Variants in ZNF75A observed in about 807,000 individuals in gnomAD.
ZNF75A encodes the protein zinc finger protein 75A.
ZNF75A carries 36 observed loss-of-function variants against 46.3 expected under a neutral mutation model. That is an observed-to-expected ratio of 0.78 (90% CI 0.60 to 1.03). The LOEUF (loss-of-function observed/expected upper bound fraction) is 1.03. Ranked by LOEUF, ZNF75A falls within the 50% of genes least tolerant of loss-of-function variation. The pLI is 0.00. For synonymous variants in ZNF75A, 234 were observed against 189.9 expected, an observed-to-expected ratio of 1.23 and a Z score of -1.91; for missense variants, 595 against 551.3, an observed-to-expected ratio of 1.08 and a Z score of -0.79.
Position 3,317,858 on chromosome 16 carries a change from C to T in ZNF75A, c.1603C>T (p.Leu535Phe), listed in dbSNP as rs578217846. 1 of 1,606,130 alleles carries T rather than the reference C, an allele frequency of 6.2e-7. No homozygotes were observed. Among genetic ancestry groups the T allele is most frequent in the East Asian group, 2.2e-5 (1 of 44,752 alleles). Residue 535 changes from leucine (L) to phenylalanine (F), a missense_variant, in exon 7 of 7, where the codon CTC becomes TTC. Leu to Phe is a conservative substitution (Grantham distance 22). Transcript: ENST00000669516. ...GTCAAGCCTTCTTAGACACCAGAAA[C>T]TCCACCTGTGAAGAGAAGCTTGTCC... ...RRSSLLRHQK[L>F]HL is the part of the protein sequence containing the mutation.
In ZNF75A at chr16:3,313,029, A is replaced by C. The variant is rs777133857; in HGVS notation, c.697-20A>C. The C allele has an allele frequency of 8.7e-6, 14 of 1,605,418 alleles. No individual in the cohort carries two copies. The highest frequency in any genetic ancestry group is 1.2e-5 in the Non-Finnish European group (14 of 1,175,576). ...CTGTACAGTGGCAGGTTCTGAGCTG[A>C]AGTCCATTCTCTTCTTTAGAGCTTG... On this transcript the variant is annotated intron_variant, in intron 4 of 6. Coordinates refer to ENST00000669516, the MANE Select transcript of ZNF75A (RefSeq NM_001302109.2).
Position 3,308,687 on chromosome 16 carries a change from A to G in ZNF75A, c.259A>G (p.Ile87Val). ...GCCAGAGATCCACTCAAAAGAGCAG[A>G]TACTGGAACTGCTGGTGCTGGAGCA... is the stretch of plus-strand genomic sequence containing the variant. Reference protein sequence around the residue: ...LKPEIHSKEQILELLVLEQFL... With the variant: ...LKPEIHSKEQVLELLVLEQFL... The change falls in exon 2 of 7, where the codon ATA becomes GTA. Residue 87 changes from isoleucine (I) to valine (V), a missense_variant. Coordinates refer to ENST00000669516, the MANE Select transcript of ZNF75A (RefSeq NM_001302109.2). 1.0e-6 allele frequency: 1 copy of G among 992,648 alleles called. No homozygotes were observed. The highest frequency in any genetic ancestry group is 1.2e-6 in the Non-Finnish European group (1 of 833,114). The allele number at this position is 992,648 out of a possible 1,614,324, so 61.5% of individuals were successfully genotyped here. A position where few individuals can be genotyped will look rare whatever the true frequency, so the allele number is the denominator to read the frequency against.
intron 2 of ZNF75A, among the ~76,000 whole-genome samples, chr16:3,311,397 CTT>C (rs1178996843): frequency 6.6e-6 from 1 of 150,998 alleles, no homozygotes; most frequent in Non-Finnish European, 1.5e-5. Flanking sequence ...GAGATTATGC[CTT>C]TGCACCCCAG....
intron 3 of ZNF75A, chr16:3,312,151 TA>T (rs1960856638): frequency 6.5e-6 from 1 of 153,576 alleles, no homozygotes; most frequent in African/African-American, 2.4e-5. Flanking sequence ...CAGAAATATC[TA>T]AACCACAGAA....
In ZNF75A at chr16:3,313,060, A is replaced by C; in HGVS notation, c.708A>C (p.Thr236=). 1 of 1,613,118 alleles carries C rather than the reference A, an allele frequency of 6.2e-7. No homozygotes were observed. The highest frequency in any genetic ancestry group is 8.5e-7 in the Non-Finnish European group (1 of 1,179,326). Residue 236 remains threonine, a synonymous_variant, in exon 5 of 7, where the codon ACA becomes ACC. Coordinates refer to ENST00000669516, the MANE Select transcript of ZNF75A (RefSeq NM_001302109.2). Reference sequence around the variant, plus strand: ...ATTCTCTTCTTTAGAGCTTGTTGACATTTGAAGAAGTGGCCATGTATTTTT... The same window carrying C: ...ATTCTCTTCTTTAGAGCTTGTTGACCTTTGAAGAAGTGGCCATGTATTTTT... The part of the protein sequence containing the change: ...HVLPESQSLL[T]FEEVAMYFSQ...
chr16:3,309,466 CAAAAAAAACAAAA>C (rs1960557092), intron 2 of ZNF75A: 2 of 103,822 alleles, frequency 1.9e-5, no homozygotes, highest in African/African-American at 7.4e-5. Flanking sequence ...AAAAAAAAAA[CAAAAAAAACAAAA>C]AAAAAACGGG....
In ZNF75A at chr16:3,318,312, C is replaced by T; in HGVS notation, c.*443C>T. The T allele has an allele frequency of 1.0e-6, 1 of 989,628 alleles. No individual in the cohort carries two copies. The highest frequency in any genetic ancestry group is 1.2e-6 in the Non-Finnish European group (1 of 832,730). 61.3% of individuals were successfully genotyped at this position (989,628 alleles called of 1,614,324 possible). ...GGACACGGTTTGCAAAGTTGGACAT[C>T]ACTTGAGTTCCTTCTTAAACTTTTC... On this transcript the variant is annotated 3_prime_UTR_variant, in exon 7 of 7. Transcript: ENST00000669516.
At chr16:3,311,317 AATCC>A (rs1960771793) in intron 2 of ZNF75A, among the ~76,000 whole-genome samples, 4 of 152,104 alleles carry the variant, frequency 2.6e-5, no homozygotes, top group Non-Finnish European at 5.9e-5. Flanking sequence ...GCATACCTGT[AATCC>A]CAGCTACTTG....
At position 3,317,529 on chromosome 16, in the gene ZNF75A, C is replaced by T. The variant is rs371273341; in HGVS notation, c.1274C>T (p.Thr425Ile). The T allele has an allele frequency of 3.1e-6, 5 of 1,613,990 alleles. No homozygotes were observed. Among genetic ancestry groups the T allele is most frequent in the Non-Finnish European group, 4.2e-6 (5 of 1,179,982 alleles). ...SDLIKHQRIH[T>I]EEKPYKCQQC... ...CTTATTAAGCACCAAAGAATTCACA[C>T]TGAAGAGAAACCCTATAAATGTCAA... The change falls in exon 7 of 7, where the codon ACT becomes ATT. Residue 425 changes from threonine to isoleucine, a missense_variant. Thr to Ile is a moderately conservative substitution (Grantham distance 89). Coordinates refer to ENST00000669516, the MANE Select transcript of ZNF75A (RefSeq NM_001302109.2).
downstream of ZNF75A, among the ~76,000 whole-genome samples, chr16:3,322,313 G>A (rs187782044): frequency 9.1e-4 from 139 of 152,226 alleles, no homozygotes; most frequent in Non-Finnish European, 1.5e-3. Context: ...ACTGGGGACC[G>A]AGATGAGGGC....
intron 5 of ZNF75A, chr16:3,316,248 C>T (rs1009333207): frequency 2.6e-5 from 4 of 152,302 alleles, no homozygotes; most frequent in East Asian, 1.9e-4. Context: ...CCCTAGCCCT[C>T]GAGCAGTGCC....
At position 3,308,467 on chromosome 16, in the gene ZNF75A, C is replaced by T. The variant is rs904409471; in HGVS notation, c.39C>T (p.Asp13=). 16 of 985,818 alleles carry T rather than the reference C, an allele frequency of 1.6e-5. No homozygotes were observed. Among genetic ancestry groups the T allele is most frequent in the Non-Finnish European group, 1.8e-5 (15 of 829,950 alleles). 61.1% of individuals were successfully genotyped at this position (985,818 alleles called of 1,614,324 possible). A position where few individuals can be genotyped will look rare whatever the true frequency, so the allele number is the denominator to read the frequency against. ...MVDLKVAAYL[D]PQIRALWETK... ...ATCTGAAAGTGGCTGCGTACTTGGA[C>T]CCTCAGATCAGGGCTTTGTGGGAGA... The change falls in exon 2 of 7, where the codon GAC becomes GAT. Residue 13 remains aspartate (D), a synonymous_variant. Coordinates refer to ENST00000669516, the MANE Select transcript of ZNF75A (RefSeq NM_001302109.2).
At chr16:3,314,387 C>T (rs1315545197) in intron 5 of ZNF75A, among the ~76,000 whole-genome samples, 2 of 152,226 alleles carry the variant, frequency 1.3e-5, no homozygotes, top group Non-Finnish European at 2.9e-5. Context: ...GCTCCTCTTG[C>T]CTCAGTCCCA....
Position 3,308,852 on chromosome 16 carries a change from C to A in ZNF75A, c.408+16C>A. 1.0e-6 allele frequency: 1 copy of A among 985,574 alleles called. No homozygotes were observed. Among genetic ancestry groups the A allele is most frequent in the Non-Finnish European group, 1.2e-6 (1 of 829,890 alleles). 61.1% of individuals were successfully genotyped at this position (985,574 alleles called of 1,614,324 possible). ...ATGGAATGGGGTGAGAAGAAAGATT[C>A]CTGACATGTACAGTGAAATAGGATG... On this transcript the variant is annotated intron_variant, in intron 2 of 6. Coordinates refer to ENST00000669516, the MANE Select transcript of ZNF75A (RefSeq NM_001302109.2).
Position 3,313,059 on chromosome 16 carries a change from C to G in ZNF75A, c.707C>G (p.Thr236Arg). Residue 236 changes from threonine (T) to arginine (R), a missense_variant, in exon 5 of 7, where the codon ACA becomes AGA. Physicochemically the swap from Thr to Arg is moderately conservative, Grantham distance 71. Transcript: ENST00000669516. ...CATTCTCTTCTTTAGAGCTTGTTGA[C>G]ATTTGAAGAAGTGGCCATGTATTTT... ...HVLPESQSLL[T>R]FEEVAMYFSQ... 2.5e-6 allele frequency: 4 copies of G among 1,612,716 alleles called. No individual in the cohort carries two copies. Among genetic ancestry groups the G allele is most frequent in the Non-Finnish European group, 3.4e-6 (4 of 1,179,102 alleles).
At chr16:3,315,728 C>T (rs182478905) in intron 5 of ZNF75A, among the ~76,000 whole-genome samples, 3 of 152,314 alleles carry the variant, frequency 2.0e-5, no homozygotes, top group Admixed American at 2.0e-4. Flanking sequence ...TACACAGAAC[C>T]CCAACTGATT....
rs368881417 is a variant in ZNF75A, at chr16:3,308,518, C to T, written c.90C>T (p.Ser30=). The change falls in exon 2 of 7, where the codon TCC becomes TCT. Residue 30 remains serine, a synonymous_variant. Coordinates refer to ENST00000669516, the MANE Select transcript of ZNF75A (RefSeq NM_001302109.2). ...CCAAGGGGCCTGCAAGAGAGAGCTC[C>T]GGTCAGAGTAAAAAATCTCCTCAAA... ...WETKGPARES[S]GQSKKSPQMD... 6.1e-6 allele frequency: 6 copies of T among 985,824 alleles called. No individual in the cohort carries two copies. Among genetic ancestry groups the T allele is most frequent in the East Asian group, 1.1e-4 (1 of 8,818 alleles). 61.1% of individuals were successfully genotyped at this position (985,824 alleles called of 1,614,324 possible). A position where few individuals can be genotyped will look rare whatever the true frequency, so the allele number is the denominator to read the frequency against.
At position 3,317,394 on chromosome 16, in the gene ZNF75A, C is replaced by G. The variant is rs1217225269; in HGVS notation, c.1139C>G (p.Thr380Ser). The G allele has an allele frequency of 1.2e-6, 2 of 1,613,954 alleles. No homozygotes were observed. The highest frequency in any genetic ancestry group is 1.7e-6 in the Non-Finnish European group (2 of 1,180,020). Reference protein sequence around the residue: ...FPVKKRKKLSTWKQELLKLMD... With the variant: ...FPVKKRKKLSSWKQELLKLMD... ...GTGAAGAAAAGAAAGAAACTTTCAA[C>G]CTGGAAACAAGAGCTGCTCAAACTT... Residue 380 changes from threonine to serine, a missense_variant, in exon 7 of 7, where the codon ACC becomes AGC. By Grantham distance (58) the Thr-to-Ser change is moderately conservative. Transcript: ENST00000669516.
chr16:3,306,456 G>A (rs1192359620), intron 1 of ZNF75A: 2 of 152,234 alleles, frequency 1.3e-5, no homozygotes, highest in Non-Finnish European at 2.9e-5. Flanking sequence ...TTTGACGCCT[G>A]TAATCCCAGC....
Sources: gnomAD v4.1 joint callset for allele counts (sites outside exome capture counted in the v4.1 genomes callset) on GRCh38, gnomAD v4.1.1 for gene constraint, MANE v1.5 for transcripts, NCBI Gene and HGNC (gene_info 2026-07-23, HGNC 2026-07-21) for gene names.